Variants in CACNA2D3 observed in about 807,000 individuals in gnomAD.
CACNA2D3 encodes the protein voltage-dependent calcium channel subunit alpha-2/delta-3.
CACNA2D3 carries 60 observed loss-of-function variants against 160.6 expected under a neutral mutation model. The observed-to-expected ratio is 0.37, with a 90% CI of 0.30 to 0.46. The LOEUF (loss-of-function observed/expected upper bound fraction) is 0.46. CACNA2D3 is among the 20% of genes least tolerant of loss of function. The pLI is 1.00. For synonymous variants in CACNA2D3, 558 were observed against 492.9 expected (o/e 1.13, Z -1.75); for missense variants, 1,205 against 1,365.0 (o/e 0.88, Z 1.85).
intron 9 of CACNA2D3, among the ~76,000 whole-genome samples, chr3:54,610,444 T>C (rs1245156470): frequency 1.3e-5 from 2 of 152,014 alleles, no homozygotes; most frequent in Non-Finnish European, 2.9e-5. Flanking sequence ...TAATGCTTTT[T>C]TTTTTTTAAG....
intron 4 of CACNA2D3, among the ~76,000 whole-genome samples, chr3:54,478,233 G>T (rs1700863873): frequency 6.6e-6 from 1 of 152,102 alleles, no homozygotes; most frequent in Admixed American, 6.6e-5. Context: ...AATGACTAGA[G>T]CAAGTGATAT....
chr3:54,401,429 G>C (rs1030625767), intron 4 of CACNA2D3, among the ~76,000 whole-genome samples: 1 of 152,136 alleles, frequency 6.6e-6, no homozygotes, highest in African/African-American at 2.4e-5. Flanking sequence ...AACCCAAAGT[G>C]GTTCTCTCTG....
chr3:54,387,930 A>G (rs968804527), intron 4 of CACNA2D3, among the ~76,000 whole-genome samples: 1 of 152,170 alleles, frequency 6.6e-6, no homozygotes, highest in African/African-American at 2.4e-5. Context: ...AAAAGATGGC[A>G]GTACCAAAGC....
intron 9 of CACNA2D3, among the ~76,000 whole-genome samples, chr3:54,582,153 T>C (rs1452732947): frequency 6.6e-6 from 1 of 152,248 alleles, no homozygotes; most frequent in African/African-American, 2.4e-5. Context: ...GATGCTTACG[T>C]TGACACTCTT....
intron 4 of CACNA2D3, among the ~76,000 whole-genome samples, chr3:54,453,446 G>A (rs1256733123): frequency 1.3e-5 from 2 of 152,218 alleles, no homozygotes; most frequent in South Asian, 4.2e-4. Flanking sequence ...ATATCTTTTG[G>A]GGGGACTTAA....
At chr3:54,243,738 A>G (rs1214037125) in intron 2 of CACNA2D3, among the ~76,000 whole-genome samples, 1 of 152,184 alleles carries the variant, frequency 6.6e-6, no homozygotes, top group African/African-American at 2.4e-5. Context: ...GACTTCAAAC[A>G]ACTGGGCAAA....
intron 11 of CACNA2D3, among the ~76,000 whole-genome samples, chr3:54,646,126 TCTTCCTTCCTTCCTTC>T (rs375699594): frequency 0.072 from 4,294 of 59,718 alleles, 476 homozygotes; most frequent in Admixed American, 0.16. Context: ...TTCCTTCCTT[TCTTCCTTCCTTCCTTC>T]CTTCCTTCCC....
intron 11 of CACNA2D3, among the ~76,000 whole-genome samples, chr3:54,731,690 C>A (rs970348335): frequency 6.6e-6 from 1 of 152,034 alleles, no homozygotes; most frequent in Non-Finnish European, 1.5e-5. Context: ...TAAGGAAATA[C>A]CTACAAATTC....
intron 13 of CACNA2D3, among the ~76,000 whole-genome samples, chr3:54,789,353 T>C (rs1444162841): frequency 1.3e-5 from 2 of 152,208 alleles, no homozygotes; most frequent in Non-Finnish European, 2.9e-5. Context: ...CATTAAGACA[T>C]TTGCCCTTTA....
chr3:54,716,092 T>G (rs1336877240), intron 11 of CACNA2D3, among the ~76,000 whole-genome samples: 1 of 152,204 alleles, frequency 6.6e-6, no homozygotes, highest in Non-Finnish European at 1.5e-5. Flanking sequence ...TCTTTGTCAA[T>G]TATATATTTT....
chr3:54,529,719 A>G (rs961096983), intron 5 of CACNA2D3, among the ~76,000 whole-genome samples: 2 of 152,004 alleles, frequency 1.3e-5, no homozygotes, highest in Admixed American at 6.6e-5. Flanking sequence ...AGCTTAAAGG[A>G]AAAAAAATGG....
At position 54,122,846 on chromosome 3, in the gene CACNA2D3, G is replaced by A; in HGVS notation, c.122+11G>A. On this transcript the variant is annotated intron_variant, in intron 1 of 37. Transcript: ENST00000474759. ...GATACCGCTCTCCGTGTAAGTGCCG[G>A]CTCCTGCGCCGCCCGGGGAGGGGAC... 1 of 1,227,532 alleles carries A rather than the reference G, an allele frequency of 8.1e-7. No homozygotes were observed. The allele number at this position is 1,227,532 out of a possible 1,614,324, so 76.0% of individuals were successfully genotyped here.
chr3:54,459,040 G>A (rs1412042771), intron 4 of CACNA2D3, among the ~76,000 whole-genome samples: 1 of 151,936 alleles, frequency 6.6e-6, no homozygotes, highest in Non-Finnish European at 1.5e-5. Context: ...TTTCGTCCTT[G>A]CGATAGTTTA....
intron 13 of CACNA2D3, among the ~76,000 whole-genome samples, chr3:54,776,833 T>C (rs1468414747): frequency 6.6e-6 from 1 of 152,114 alleles, no homozygotes; most frequent in Admixed American, 6.5e-5. Context: ...CTCCATAGAC[T>C]ATCCCTGCTG....
chr3:54,138,431 A>G (rs9311522), intron 2 of CACNA2D3, among the ~76,000 whole-genome samples: 2,921 of 152,340 alleles, frequency 0.019, 88 homozygotes, highest in African/African-American at 0.066. Context: ...TATTTTGCCT[A>G]GCACCTAGAG....
intron 11 of CACNA2D3, among the ~76,000 whole-genome samples, chr3:54,733,974 C>G (rs1701445857): frequency 6.7e-6 from 1 of 149,508 alleles, no homozygotes; most frequent in African/African-American, 2.5e-5. Flanking sequence ...AAAAAAAAAG[C>G]ACCTTCTTGA....
intron 35 of CACNA2D3, among the ~76,000 whole-genome samples, chr3:55,024,617 T>G (rs1449688810): frequency 6.6e-6 from 1 of 152,212 alleles, no homozygotes; most frequent in Non-Finnish European, 1.5e-5. Flanking sequence ...ACACTAAGTC[T>G]GCTGGTGTCT....
chr3:55,034,056 A>G (rs1703761759), intron 35 of CACNA2D3, among the ~76,000 whole-genome samples: 1 of 151,360 alleles, frequency 6.6e-6, no homozygotes, highest in South Asian at 2.1e-4. Flanking sequence ...CAATTTATCT[A>G]TACATTAAAT....
At position 54,955,625 on chromosome 3, in the gene CACNA2D3, A is replaced by G. The variant is rs1701867990; in HGVS notation, c.2450-12825A>G. On this transcript the variant is annotated intron_variant, in intron 27 of 37. Transcript: ENST00000474759. ...TCAAAGCTCCAGTCTTTGGGATATC[A>G]TTCTTTGAGTCCCAACAGAATGTTG... Among the ~76,000 whole-genome samples the G allele has an allele frequency of 2.0e-5, 3 of 152,124 alleles. No individual in the cohort carries two copies. In the South Asian group the frequency reaches 6.2e-4, roughly 32 times the overall value.
Sources: gnomAD v4.1 joint callset for allele counts (sites outside exome capture counted in the v4.1 genomes callset) on GRCh38, gnomAD v4.1.1 for gene constraint, MANE v1.5 for transcripts, NCBI Gene and HGNC (gene_info 2026-07-23, HGNC 2026-07-21) for gene names.